Variants in ZNF235 observed in about 807,000 individuals in gnomAD.
The protein encoded by ZNF235 is zfp-93.
In ZNF235, 25 loss-of-function variants were observed where a neutral mutation model predicts 29.4. The ratio of observed to expected loss-of-function variants is 0.85; its 90% CI spans 0.62 to 1.19. The LOEUF (loss-of-function observed/expected upper bound fraction) is 1.19. Ranked by LOEUF, ZNF235 falls within the 50% of genes most tolerant of loss-of-function variation. The pLI, the probability that ZNF235 is intolerant of heterozygous loss-of-function variation, is 0.00. For missense variants in ZNF235, 788 were observed against 885.0 expected, an observed-to-expected ratio of 0.89 and a Z score of 1.39; for synonymous variants, 300 against 295.3, an observed-to-expected ratio of 1.02 and a Z score of -0.16.
In ZNF235 at chr19:44,303,313, C is replaced by G. The variant is rs113776988; in HGVS notation, c.15+77G>C. 3.8e-4 allele frequency: 577 copies of G among 1,530,076 alleles called. 4 individuals are homozygous for G. The African/African-American group carries it at 7.2e-3, about 19-fold the overall frequency. 94.8% of individuals were successfully genotyped at this position (1,530,076 alleles called of 1,614,324 possible). A position where few individuals can be genotyped will look rare whatever the true frequency, so the allele number is the denominator to read the frequency against. On this transcript the variant is annotated intron_variant, in intron 2 of 4. Coordinates refer to ENST00000291182, the MANE Select transcript of ZNF235 (RefSeq NM_004234.4). ...GTGCCTTTCGTTCCCTTTTACTGTT[C>G]CCAAACAGGAAAAATGTGTCCAATC...
rs368547022 is a variant in ZNF235 at position 44,287,340 on chromosome 19, G to A, written c.2095C>T (p.His699Tyr). 5 of 1,614,046 alleles carry A rather than the reference G, an allele frequency of 3.1e-6. No individual in the cohort carries two copies. Among genetic ancestry groups the A allele is most frequent in the Non-Finnish European group, 3.4e-6 (4 of 1,179,986 alleles). Residue 699 changes from histidine (H) to tyrosine (Y), a missense_variant, in exon 5 of 5, where the codon CAC becomes TAC. Transcript: ENST00000291182. ...CCAGTGTGGACTCTCTGGTGTGTGT[G>A]AAAATGTGAGGCCTGACTGAAGCCC... ...GKGFSQASHF[H>Y]THQRVHTGER...
chr19:44,298,049 G>T (rs1197994196), intron 4 of ZNF235, among the ~76,000 whole-genome samples: 1 of 152,102 alleles, frequency 6.6e-6, no homozygotes, highest in East Asian at 1.9e-4. Flanking sequence ...AGCACAGGAG[G>T]TGGAGACTGC....
chr19:44,299,034 T>C (rs183238594), intron 3 of ZNF235, 131 bp from the exon 4 acceptor site: 4 of 600,234 alleles, frequency 6.7e-6, no homozygotes, highest in Admixed American at 5.9e-5. Flanking sequence ...TTTTTTGTCA[T>C]GACACATTAT....
chr19:44,287,690 T>C lies in ZNF235; in HGVS notation c.1745A>G (p.Gln582Arg). The change falls in exon 5 of 5, where the codon CAG becomes CGG. Residue 582 changes from glutamine to arginine, a missense_variant. Gln to Arg is a conservative substitution (Grantham distance 43). Coordinates refer to ENST00000291182, the MANE Select transcript of ZNF235 (RefSeq NM_004234.4). ...KCEECGKGFSQASNLQAHQSV... is the reference protein window; with the variant it reads ...KCEECGKGFSRASNLQAHQSV... ...CTGATGGGCTTGAAGATTTGAAGCCTGACTGAAACCCTTACCACACTCTTC... is the reference window on the plus strand; with the variant it reads ...CTGATGGGCTTGAAGATTTGAAGCCCGACTGAAACCCTTACCACACTCTTC... 3.7e-6 allele frequency: 6 copies of C among 1,613,992 alleles called. No individual in the cohort carries two copies. Among genetic ancestry groups the C allele is most frequent in the Non-Finnish European group, 5.1e-6 (6 of 1,179,862 alleles).
At chr19:44,299,877 T>C (rs1975710659) in intron 2 of ZNF235, 145 bp from the exon 3 acceptor site, 1 of 1,217,328 alleles carries the variant, frequency 8.2e-7, no homozygotes, top group Admixed American at 2.3e-5. Context: ...CTTGTACATG[T>C]AACGTGGTGC....
rs201954119 is a variant in ZNF235, at chr19:44,288,789, T to A, written c.646A>T (p.Ile216Phe). 6.2e-7 allele frequency: 1 copy of A among 1,613,810 alleles called. No homozygotes were observed. The highest frequency in any genetic ancestry group is 1.3e-5 in the African/African-American group (1 of 75,034). The change falls in exon 5 of 5, where the codon ATT becomes TTT. Residue 216 changes from isoleucine (I) to phenylalanine (F), a missense_variant. Ile to Phe is a conservative substitution (Grantham distance 21). Coordinates refer to ENST00000291182, the MANE Select transcript of ZNF235 (RefSeq NM_004234.4). The part of the protein sequence containing the change: ...KLCIFAPYVD[I>F]FSCISHHHDD... The stretch of plus-strand genomic sequence containing the variant: ...TGGTGGTGTGAAATACAACTGAAAA[T>A]GTCAACATATGGAGCAAATATACAT...
chr19:44,301,793 G>C (rs966412190), intron 2 of ZNF235, among the ~76,000 whole-genome samples: 2 of 152,064 alleles, frequency 1.3e-5, no homozygotes, highest in Non-Finnish European at 2.9e-5. Flanking sequence ...GAAACTTCTG[G>C]CTTAGGCACT....
At chr19:44,289,425 T>G (rs902758811) in intron 4 of ZNF235, 1 of 468,542 alleles carries the variant, frequency 2.1e-6, no homozygotes, top group Non-Finnish European at 3.7e-6. Context: ...AGGGTATGGT[T>G]AAGGTGTATC....
chr19:44,290,350 G>C (rs1409088127), intron 4 of ZNF235: 2 of 152,610 alleles, frequency 1.3e-5, no homozygotes, highest in Non-Finnish European at 2.9e-5. Context: ...AATTAAGCCA[G>C]AATAGTTGAT....
chr19:44,297,589 G>A (rs894234192), intron 4 of ZNF235, among the ~76,000 whole-genome samples: 5 of 151,854 alleles, frequency 3.3e-5, no homozygotes, highest in Admixed American at 6.6e-5. Flanking sequence ...TCAGCCTCCC[G>A]AGTAGCTGGG....
In ZNF235 at chr19:44,287,465, C is replaced by T. The variant is rs1975504146; in HGVS notation, c.1970G>A (p.Cys657Tyr). The T allele has an allele frequency of 1.2e-6, 2 of 1,614,154 alleles. No individual in the cohort carries two copies. Among genetic ancestry groups the T allele is most frequent in the South Asian group, 1.1e-5 (1 of 91,082 alleles). ...ACTGAATTCTTTCCCACATTCCTCA[C>T]ATTTAAATGGTTTCTCTCCAGTGTG... ...IIHTGEKPFK[C>Y]EECGKEFSWS... Residue 657 changes from cysteine to tyrosine, a missense_variant, in exon 5 of 5, where the codon TGT becomes TAT. Cys to Tyr is a radical substitution (Grantham distance 194). Transcript: ENST00000291182.
chr19:44,289,394 T>C (rs543702425), intron 4 of ZNF235, 198 bp from the exon 5 acceptor site: 70 of 553,840 alleles, frequency 1.3e-4, no homozygotes, highest in African/African-American at 1.2e-3. Context: ...ATATTTAAGA[T>C]AGAAAATTTG....
intron 2 of ZNF235, 99 bp downstream of exon 2, chr19:44,303,291 C>T: frequency 1.7e-6 from 2 of 1,210,110 alleles, no homozygotes; most frequent in East Asian, 2.4e-5. Context: ...ATTCCAAGTG[C>T]CTTTCGTTCC....
chr19:44,286,943 C>A lies in ZNF235; in HGVS notation c.*275G>T. 1 of 320,528 alleles carries A rather than the reference C, an allele frequency of 3.1e-6. No homozygotes were observed. 19.9% of individuals were successfully genotyped at this position (320,528 alleles called of 1,614,324 possible). ...TGCAGACTCCGACAAGACTTTTCTG[C>A]TGTGTTACATCTTGAGAACCGGGAC... On this transcript the variant is annotated 3_prime_UTR_variant, in exon 5 of 5. Transcript: ENST00000291182.
In ZNF235 at chr19:44,288,001, T is replaced by C. The variant is rs1349025218; in HGVS notation, c.1434A>G (p.Gln478=). The C allele has an allele frequency of 3.7e-6, 6 of 1,612,788 alleles. No individual in the cohort carries two copies. In the African/African-American group the frequency reaches 4.0e-5, roughly 11 times the overall value. The change falls in exon 5 of 5, where the codon CAA becomes CAG. Residue 478 remains glutamine, a synonymous_variant. Coordinates refer to ENST00000291182, the MANE Select transcript of ZNF235 (RefSeq NM_004234.4). ...ATGGTTTTTCTCCTGTGTGGACTCG[T>C]TGATGACTATGAAGATTAAAGCTCA... is the stretch of plus-strand genomic sequence containing the variant. ...FSLSFNLHSH[Q]RVHTGEKPYK... is the part of the protein sequence containing the mutation.
intron 1 of ZNF235, chr19:44,304,640 G>T: frequency 1.3e-6 from 1 of 790,192 alleles, no homozygotes; most frequent in Non-Finnish European, 1.5e-6. Flanking sequence ...ACATCACTGG[G>T]AACGCACTAA....
At chr19:44,299,857 A>G (rs1975710190) in intron 2 of ZNF235, 125 bp from the exon 3 acceptor site, 1 of 1,452,436 alleles carries the variant, frequency 6.9e-7, no homozygotes, top group African/African-American at 1.4e-5. Context: ...AGGGGGAAGA[A>G]GGAAAACACC....
chr19:44,296,863 T>C (rs1308667481), intron 4 of ZNF235, among the ~76,000 whole-genome samples: 2 of 152,086 alleles, frequency 1.3e-5, no homozygotes, highest in Non-Finnish European at 2.9e-5. Context: ...GAAAATTCCA[T>C]AAATATGTGA....
In ZNF235 at chr19:44,288,429, T is replaced by G. The variant is rs759741480; in HGVS notation, c.1006A>C (p.Thr336Pro). ...TCCCCTGTGTGGACTCTCTGATGAG[T>G]TTGCAGATTTGAGCTCTGACTGAAA... is the stretch of plus-strand genomic sequence containing the variant. The part of the protein sequence containing the change: ...KGFSQSSNLQ[T>P]HQRVHTGEKP... The change falls in exon 5 of 5, where the codon ACT becomes CCT. Residue 336 changes from threonine to proline, a missense_variant. Transcript: ENST00000291182. 2.0e-5 allele frequency: 32 copies of G among 1,614,006 alleles called. No individual in the cohort carries two copies. Among genetic ancestry groups the G allele is most frequent in the Non-Finnish European group, 1.5e-5 (18 of 1,180,024 alleles).
Sources: allele counts gnomAD v4.1 joint callset (sites outside exome capture counted in the v4.1 genomes callset), GRCh38; gene constraint gnomAD v4.1.1; transcripts MANE v1.5; gene names NCBI Gene and HGNC (gene_info 2026-07-23, HGNC 2026-07-21).